SLC12A8: variants seen among roughly 807,000 people sequenced by gnomAD.
SLC12A8 encodes the protein cation-chloride cotransporter 9.
A neutral mutation model predicts 75.6 loss-of-function variants in SLC12A8; 69 were observed. That is an observed-to-expected ratio of 0.91 (90% CI 0.75 to 1.11). SLC12A8 has a LOEUF of 1.11. Ranked by LOEUF, SLC12A8 falls within the 50% of genes most tolerant of loss-of-function variation. The pLI is 0.00. For synonymous variants in SLC12A8, 365 were observed against 372.8 expected, an observed-to-expected ratio of 0.98 and a Z score of 0.24; for missense variants, 877 against 896.7, an observed-to-expected ratio of 0.98 and a Z score of 0.28.
At chr3:125,193,561 C>A (rs563798850) in intron 2 of SLC12A8, among the ~76,000 whole-genome samples, 1 of 152,322 alleles carries the variant, frequency 6.6e-6, no homozygotes, top group East Asian at 1.9e-4. Flanking sequence ...CGTGCTCTCC[C>A]GTTCTCTTCA....
chr3:125,128,281 C>T lies in SLC12A8; in HGVS notation c.736+7388G>A, dbSNP rs535624177. Among the ~76,000 whole-genome samples, 9 of 139,918 alleles carry T rather than the reference C, an allele frequency of 6.4e-5. No individual in the cohort carries two copies. In the South Asian group the frequency reaches 7.2e-4, roughly 11 times the overall value. The allele number at this position is 139,918 out of a possible 152,430, so 91.8% of individuals were successfully genotyped here. A position where few individuals can be genotyped will look rare whatever the true frequency, so the allele number is the denominator to read the frequency against. On this transcript the variant is annotated intron_variant, in intron 6 of 13. Coordinates refer to ENST00000469902, the MANE Select transcript of SLC12A8 (RefSeq NM_024628.6). The stretch of plus-strand genomic sequence containing the variant: ...CTGCAAGCTCCGCCTCCCGGGTTCA[C>T]GCCATTCTCCTGCCTCAGCCTCCCA...
At chr3:125,192,925 C>A (rs1227545176) in intron 2 of SLC12A8, among the ~76,000 whole-genome samples, 1 of 152,078 alleles carries the variant, frequency 6.6e-6, no homozygotes, top group East Asian at 1.9e-4. Flanking sequence ...ATAAGCCCAG[C>A]AAGAGACAGA....
chr3:125,121,441 C>G lies in SLC12A8; in HGVS notation c.737-755G>C, dbSNP rs577590859. 2.6e-5 allele frequency among the ~76,000 whole-genome samples: 4 copies of G among 152,248 alleles called. No homozygotes were observed. The South Asian group carries it at 8.3e-4, about 32-fold the overall frequency. On this transcript the variant is annotated intron_variant, in intron 6 of 13. Coordinates refer to ENST00000469902, the MANE Select transcript of SLC12A8 (RefSeq NM_024628.6). ...ACTCAGTGTGATGGGCTGCCCTGGTCAGGAAAGACCCGTGGAGGGGGTTGT... is the reference window on the plus strand; with the variant it reads ...ACTCAGTGTGATGGGCTGCCCTGGTGAGGAAAGACCCGTGGAGGGGGTTGT...
At chr3:125,105,147 A>C (rs1380900360) in intron 10 of SLC12A8, among the ~76,000 whole-genome samples, 1 of 152,098 alleles carries the variant, frequency 6.6e-6, no homozygotes, top group Non-Finnish European at 1.5e-5. Context: ...CAAATAAATG[A>C]ACAATAGGAA....
intron 6 of SLC12A8, chr3:125,123,566 C>A (rs1933115550): frequency 6.6e-6 from 1 of 152,022 alleles, no homozygotes; most frequent in Non-Finnish European, 1.5e-5. Context: ...CAAATCATGG[C>A]AGAAGGGGAA....
At chr3:125,137,793 C>A (rs1451017314) in intron 5 of SLC12A8, among the ~76,000 whole-genome samples, 2 of 152,216 alleles carry the variant, frequency 1.3e-5, no homozygotes, top group Admixed American at 6.5e-5. Context: ...TCAGCAAGAC[C>A]CACAGGCTGA....
chr3:125,197,503 G>C (rs1192211039), intron 2 of SLC12A8, among the ~76,000 whole-genome samples: 1 of 152,186 alleles, frequency 6.6e-6, no homozygotes, highest in Non-Finnish European at 1.5e-5. Flanking sequence ...TGTTGCCCAG[G>C]CTGGTCTCAA....
chr3:125,198,172 A>G (rs1276131410), intron 2 of SLC12A8, among the ~76,000 whole-genome samples: 1 of 151,932 alleles, frequency 6.6e-6, no homozygotes, highest in Non-Finnish European at 1.5e-5. Flanking sequence ...GAGGGACATC[A>G]TCCCCAATTC....
chr3:125,203,088 CAAAA>C (rs758212012), intron 2 of SLC12A8, among the ~76,000 whole-genome samples: 2 of 88,440 alleles, frequency 2.3e-5, no homozygotes, highest in African/African-American at 4.8e-5. Flanking sequence ...GACTTCATCT[CAAAA>C]AAAAAAAAAA....
At position 125,110,440 on chromosome 3, in the gene SLC12A8, C is replaced by T. The variant is rs566349892; in HGVS notation, c.913-105G>A. 20 of 1,103,958 alleles carry T rather than the reference C, an allele frequency of 1.8e-5. No homozygotes were observed. In the South Asian group the frequency reaches 2.3e-4, roughly 13 times the overall value. 68.4% of individuals were successfully genotyped at this position (1,103,958 alleles called of 1,614,324 possible). A position where few individuals can be genotyped will look rare whatever the true frequency, so the allele number is the denominator to read the frequency against. On this transcript the variant is annotated intron_variant, in intron 8 of 13. Coordinates refer to ENST00000469902, the MANE Select transcript of SLC12A8 (RefSeq NM_024628.6). ...CACCCCATGCAATCATCCACTGAGT[C>T]GTCTAGATCTGATCCCTGGGATACA... is the stretch of plus-strand genomic sequence containing the variant.
intron 5 of SLC12A8, among the ~76,000 whole-genome samples, chr3:125,158,679 C>T (rs1934100838): frequency 1.3e-5 from 2 of 152,122 alleles, no homozygotes; most frequent in Admixed American, 1.3e-4. Flanking sequence ...CTGCTGTTTG[C>T]AAATCCTCAA....
At chr3:125,143,234 T>C (rs1560066271) in intron 5 of SLC12A8, among the ~76,000 whole-genome samples, 1 of 152,166 alleles carries the variant, frequency 6.6e-6, no homozygotes, top group South Asian at 2.1e-4. Context: ...TTGAACTGGG[T>C]CATAACAATC....
chr3:125,093,903 T>C (rs760897527), intron 10 of SLC12A8, among the ~76,000 whole-genome samples: 28 of 152,198 alleles, frequency 1.8e-4, no homozygotes, highest in Non-Finnish European at 4.0e-4. Context: ...CTTGTCATTC[T>C]TCTCTTGCTT....
intron 5 of SLC12A8, among the ~76,000 whole-genome samples, chr3:125,149,637 T>C (rs142702714): frequency 1.3e-5 from 2 of 152,248 alleles, no homozygotes; most frequent in Non-Finnish European, 2.9e-5. Flanking sequence ...TTGAAAATAT[T>C]CAACAGGTAG....
chr3:125,177,595 T>G, intron 5 of SLC12A8, 148 bp downstream of exon 5: 1 of 639,434 alleles, frequency 1.6e-6, no homozygotes, highest in Non-Finnish European at 2.7e-6. Flanking sequence ...AAGACACACC[T>G]GCTCACCTGA....
intron 5 of SLC12A8, among the ~76,000 whole-genome samples, chr3:125,162,750 TACA>T (rs756432353): frequency 6.6e-6 from 1 of 152,144 alleles, no homozygotes; most frequent in African/African-American, 2.4e-5. Context: ...GCATCTGCAA[TACA>T]ACAAGTACCT....
At chr3:125,136,019 G>T (rs1412254323) in intron 5 of SLC12A8, among the ~76,000 whole-genome samples, 2 of 152,192 alleles carry the variant, frequency 1.3e-5, no homozygotes, top group Admixed American at 1.3e-4. Context: ...GGAAGCAGTG[G>T]TTACTTCTGG....
intron 5 of SLC12A8, among the ~76,000 whole-genome samples, chr3:125,170,319 C>T (rs549559904): frequency 6.6e-6 from 1 of 152,290 alleles, no homozygotes; most frequent in Non-Finnish European, 1.5e-5. Context: ...TTAGCTCAAA[C>T]TTTTGTGCAG....
At chr3:125,101,018 T>TG (rs1189347473) in intron 10 of SLC12A8, among the ~76,000 whole-genome samples, 1 of 12,946 alleles carries the variant, frequency 7.7e-5, no homozygotes, top group African/African-American at 3.2e-4. Flanking sequence ...AGACTCCGTC[T>TG]CAAAAAAAAA....
Sources: gnomAD v4.1 joint callset for allele counts (sites outside exome capture counted in the v4.1 genomes callset) on GRCh38, gnomAD v4.1.1 for gene constraint, MANE v1.5 for transcripts, NCBI Gene and HGNC (gene_info 2026-07-23, HGNC 2026-07-21) for gene names.